Variants in GPRC5A observed in about 807,000 individuals in gnomAD.
GPRC5A encodes retinoic acid-induced protein 3.
GPRC5A carries 19 observed loss-of-function variants against 22.5 expected under a neutral mutation model. The observed-to-expected ratio is 0.85, with a 90% CI of 0.59 to 1.24. The LOEUF (loss-of-function observed/expected upper bound fraction) is 1.24, where lower values mean the gene tolerates loss of function less well. GPRC5A is among the 50% of genes most tolerant of loss of function. GPRC5A has a pLI of 0.00. For synonymous variants in GPRC5A, 192 were observed against 184.5 expected, an observed-to-expected ratio of 1.04 and a Z score of -0.33; for missense variants, 471 against 451.1, an observed-to-expected ratio of 1.04 and a Z score of -0.40.
chr12:12,902,098 C>T (rs183992654), intron 1 of GPRC5A, among the ~76,000 whole-genome samples: 4 of 152,292 alleles, frequency 2.6e-5, no homozygotes. Flanking sequence ...TTCCAATCCC[C>T]TGGTGTCTTT....
chr12:12,909,050 G>A lies in GPRC5A; in HGVS notation c.801G>A (p.Leu267=). The A allele has an allele frequency of 6.2e-7, 1 of 1,611,342 alleles. No individual in the cohort carries two copies. Among genetic ancestry groups the A allele is most frequent in the Non-Finnish European group, 8.5e-7 (1 of 1,179,954 alleles). The change falls in exon 2 of 4, where the codon CTG becomes CTA. Residue 267 remains leucine (L), a synonymous_variant. Coordinates refer to ENST00000014914, the MANE Select transcript of GPRC5A (RefSeq NM_003979.4). The stretch of plus-strand genomic sequence containing the variant: ...CTTATGTTAGTCCCGAGTTTTGGCT[G>A]CTCACAAAGCAACGAAACCCCATGG... ...LLAYVSPEFW[L]LTKQRNPMDY...
rs1252115949 is a variant in GPRC5A at position 12,914,911 on chromosome 12, T to G, written c.*2372T>G. ...CTGGGATTACGGGTGGGAATCACCATGCCCAGCCTCCTTTCCATCTTTTCT... is the reference window on the plus strand; with the variant it reads ...CTGGGATTACGGGTGGGAATCACCAGGCCCAGCCTCCTTTCCATCTTTTCT... On this transcript the variant is annotated 3_prime_UTR_variant, in exon 4 of 4. Transcript: ENST00000014914. 3.3e-5 allele frequency: 5 copies of G among 152,044 alleles called. No individual in the cohort carries two copies. Among genetic ancestry groups the G allele is most frequent in the African/African-American group, 1.2e-4 (5 of 41,384 alleles). 9.4% of individuals were successfully genotyped at this position (152,044 alleles called of 1,614,324 possible).
At chr12:12,894,625 A>T (rs61092426) in intron 1 of GPRC5A, among the ~76,000 whole-genome samples, 66,082 of 151,586 alleles carry the variant, frequency 0.44, 16,589 homozygotes, top group Non-Finnish European at 0.56. Context: ...CCTAGGCTTG[A>T]CTCAAACTCC....
At chr12:12,895,821 C>CAA (rs34696528) in intron 1 of GPRC5A, among the ~76,000 whole-genome samples, 10,506 of 75,500 alleles carry the variant, frequency 0.14, 910 homozygotes, top group East Asian at 0.3. Flanking sequence ...ACTAAAAATA[C>CAA]AAAAAAAAAA....
chr12:12,906,024 G>C (rs550222731), intron 1 of GPRC5A, among the ~76,000 whole-genome samples: 1 of 152,200 alleles, frequency 6.6e-6, no homozygotes, highest in South Asian at 2.1e-4. Context: ...GAGGAGGAGA[G>C]AGAGAAGGAT....
At position 12,909,050 on chromosome 12, in the gene GPRC5A, G is replaced by T. The variant is rs1038163235; in HGVS notation, c.801G>T (p.Leu267=). ...LLAYVSPEFW[L]LTKQRNPMDY... is the part of the protein sequence containing the mutation. ...CTTATGTTAGTCCCGAGTTTTGGCT[G>T]CTCACAAAGCAACGAAACCCCATGG... Residue 267 remains leucine, a synonymous_variant, in exon 2 of 4, where the codon CTG becomes CTT. Coordinates refer to ENST00000014914, the MANE Select transcript of GPRC5A (RefSeq NM_003979.4). 2.5e-6 allele frequency: 4 copies of T among 1,611,222 alleles called. No individual in the cohort carries two copies. The African/African-American group carries it at 4.0e-5, about 16-fold the overall frequency.
chr12:12,896,883 G>T (rs191891072), intron 1 of GPRC5A, among the ~76,000 whole-genome samples: 133 of 152,250 alleles, frequency 8.7e-4, no homozygotes, highest in African/African-American at 3.0e-3. Context: ...TGAGTGCCAA[G>T]AAATATTTAA....
rs376281808 is a variant in GPRC5A, at chr12:12,908,897, G to A, written c.648G>A (p.Thr216=). Residue 216 remains threonine, a synonymous_variant, in exon 2 of 4, where the codon ACG becomes ACA. Coordinates refer to ENST00000014914, the MANE Select transcript of GPRC5A (RefSeq NM_003979.4). ...GACATGGGGCCCACATCTACCTCACGATGCTCCTCTCCATTGCCATCTGGG... is the reference window on the plus strand; with the variant it reads ...GACATGGGGCCCACATCTACCTCACAATGCTCCTCTCCATTGCCATCTGGG... ...WKRHGAHIYL[T]MLLSIAIWVA... 2.0e-4 allele frequency: 322 copies of A among 1,614,010 alleles called. 1 individual carries two copies. Among genetic ancestry groups the A allele is most frequent in the Non-Finnish European group, 1.0e-4 (120 of 1,180,034 alleles).
At chr12:12,895,155 G>T (rs1455916882) in intron 1 of GPRC5A, among the ~76,000 whole-genome samples, 1 of 151,960 alleles carries the variant, frequency 6.6e-6, no homozygotes, top group East Asian at 1.9e-4. Flanking sequence ...ATATCTTTTT[G>T]CTTTGATTAC....
chr12:12,908,689 T>C lies in GPRC5A; in HGVS notation c.440T>C (p.Val147Ala). Residue 147 changes from valine to alanine, a missense_variant, in exon 2 of 4, where the codon GTT becomes GCT. Val to Ala is a moderately conservative substitution (Grantham distance 64). Transcript: ENST00000014914. ...LAVGFSLVQD[V>A]IAIEYIVLTM... ...GTGGGCTTCAGCCTAGTCCAGGATG[T>C]TATCGCTATTGAATATATTGTCCTG... is the stretch of plus-strand genomic sequence containing the variant. 1 of 1,614,044 alleles carries C rather than the reference T, an allele frequency of 6.2e-7. No homozygotes were observed. Among genetic ancestry groups the C allele is most frequent in the South Asian group, 1.1e-5 (1 of 91,078 alleles).
chr12:12,915,992 T>C lies in GPRC5A; in HGVS notation c.*3453T>C. On this transcript the variant is annotated 3_prime_UTR_variant, in exon 4 of 4. Transcript: ENST00000014914. ...ACTCATCTTCAGGTCTCACACCTTC[T>C]GCACATAAATAAGCTATTTTTAAAA... The C allele has an allele frequency of 5.1e-6, 2 of 392,826 alleles. No individual in the cohort carries two copies. Among genetic ancestry groups the C allele is most frequent in the Non-Finnish European group, 1.1e-5 (2 of 185,528 alleles). The allele number at this position is 392,826 out of a possible 1,614,324, so 24.3% of individuals were successfully genotyped here.
chr12:12,912,114 C>T lies in GPRC5A; in HGVS notation c.953C>T (p.Ala318Val). Residue 318 changes from alanine to valine, a missense_variant, in exon 3 of 4, where the codon GCC becomes GTC. Coordinates refer to ENST00000014914, the MANE Select transcript of GPRC5A (RefSeq NM_003979.4). ...GAAGAGACAGGGGACACGCTCTATG[C>T]CCCCTATTCCACACATTTTCAGCTG... ...GFEETGDTLY[A>V]PYSTHFQLQN... is the part of the protein sequence containing the mutation. 6.2e-7 allele frequency: 1 copy of T among 1,612,622 alleles called. No individual in the cohort carries two copies.
intron 1 of GPRC5A, among the ~76,000 whole-genome samples, chr12:12,897,999 G>C (rs531368433): frequency 4.6e-5 from 7 of 152,106 alleles, no homozygotes; most frequent in Admixed American, 2.6e-4. Flanking sequence ...ATGTGATCTT[G>C]TCTCCTCTTG....
intron 1 of GPRC5A, among the ~76,000 whole-genome samples, chr12:12,900,226 G>A (rs1440667121): frequency 6.6e-6 from 1 of 152,154 alleles, no homozygotes; most frequent in Non-Finnish European, 1.5e-5. Context: ...TTTAGTTTGG[G>A]TAGGAGTTTG....
In GPRC5A at chr12:12,917,251, T is replaced by TGTGTGTGTGTGC. The variant is rs1491313276; in HGVS notation, c.*4713_*4714insTGTGTGTGTGCG. 1 of 60,106 alleles carries TGTGTGTGTGTGC rather than the reference T, an allele frequency of 1.7e-5. No individual in the cohort carries two copies. Among genetic ancestry groups the TGTGTGTGTGTGC allele is most frequent in the Non-Finnish European group, 3.2e-5 (1 of 31,230 alleles). 3.7% of individuals were successfully genotyped at this position (60,106 alleles called of 1,614,324 possible). A position where few individuals can be genotyped will look rare whatever the true frequency, so the allele number is the denominator to read the frequency against. ...GTGTGTGTGTGTGTGTGTGTGTGTG[T>TGTGTGTGTGTGC]GCGTGCGTGCGTGTATGTGCGCCTG... On this transcript the variant is annotated 3_prime_UTR_variant, in exon 4 of 4. Coordinates refer to ENST00000014914, the MANE Select transcript of GPRC5A (RefSeq NM_003979.4).
chr12:12,900,905 A>AC (rs1438891390), intron 1 of GPRC5A, among the ~76,000 whole-genome samples: 2 of 123,192 alleles, frequency 1.6e-5, no homozygotes, highest in Non-Finnish European at 3.1e-5. Flanking sequence ...AAAAAAAAAA[A>AC]AAAAAAAACA....
rs1194839228 is a variant in GPRC5A at position 12,912,637 on chromosome 12, A to G, written c.*98A>G. ...ATCTTGAGTCTTCTGAGAAAACTGT[A>G]CAAGACACTACGGGAACAGTTTGCC... On this transcript the variant is annotated 3_prime_UTR_variant, in exon 4 of 4. Transcript: ENST00000014914. The G allele has an allele frequency of 4.0e-6, 3 of 742,546 alleles. No individual in the cohort carries two copies. Among genetic ancestry groups the G allele is most frequent in the South Asian group, 3.0e-5 (2 of 66,838 alleles). 46.0% of individuals were successfully genotyped at this position (742,546 alleles called of 1,614,324 possible).
chr12:12,903,348 A>G (rs1022520640), intron 1 of GPRC5A, among the ~76,000 whole-genome samples: 1 of 152,174 alleles, frequency 6.6e-6, no homozygotes, highest in Non-Finnish European at 1.5e-5. Flanking sequence ...TGACGTGATC[A>G]CAGCTCACTG....
chr12:12,906,058 A>G (rs1298255886), intron 1 of GPRC5A, among the ~76,000 whole-genome samples: 3 of 152,074 alleles, frequency 2.0e-5, no homozygotes, highest in African/African-American at 4.8e-5. Flanking sequence ...TTTTAAGGCT[A>G]ATTTGAGAGG....
Sources: gnomAD v4.1 joint callset for allele counts (sites outside exome capture counted in the v4.1 genomes callset) on GRCh38, gnomAD v4.1.1 for gene constraint, MANE v1.5 for transcripts, NCBI Gene and HGNC (gene_info 2026-07-23, HGNC 2026-07-21) for gene names.